Variants in ELL observed in about 807,000 individuals in gnomAD.
ELL encodes RNA polymerase II elongation factor ELL.
A neutral mutation model predicts 64.0 loss-of-function variants in ELL; 18 were observed. The observed-to-expected ratio is 0.28, with a 90% CI of 0.19 to 0.42. ELL has a LOEUF of 0.42. ELL is among the 10% of genes least tolerant of loss of function. The pLI is 1.00. For missense variants in ELL, 797 were observed against 870.4 expected (o/e 0.92, Z 1.06); for synonymous variants, 399 against 376.2 (o/e 1.06, Z -0.70).
At chr19:18,480,578 G>A (rs1018053889) in intron 1 of ELL, among the ~76,000 whole-genome samples, 4 of 152,234 alleles carry the variant, frequency 2.6e-5, no homozygotes, top group Admixed American at 2.6e-4. Context: ...GCAGGAAAGG[G>A]ACTCCAACTG....
At chr19:18,467,796 A>C (rs1600454253) in intron 2 of ELL, among the ~76,000 whole-genome samples, 1 of 67,196 alleles carries the variant, frequency 1.5e-5, no homozygotes, top group African/African-American at 6.7e-5. Context: ...CCACAACCAC[A>C]CAATCCCCCC....
intron 1 of ELL, among the ~76,000 whole-genome samples, chr19:18,506,831 A>G (rs1975893155): frequency 6.6e-6 from 1 of 152,176 alleles, no homozygotes; most frequent in Non-Finnish European, 1.5e-5. Context: ...CTCCCCACAG[A>G]GATGCTATGA....
intron 4 of ELL, among the ~76,000 whole-genome samples, chr19:18,464,157 C>T (rs1476880714): frequency 6.6e-6 from 1 of 152,058 alleles, no homozygotes; most frequent in Non-Finnish European, 1.5e-5. Flanking sequence ...TCATTTGAGC[C>T]CAGGAGTCAG....
chr19:18,452,830 G>A (rs564497407), intron 6 of ELL, among the ~76,000 whole-genome samples: 3 of 152,340 alleles, frequency 2.0e-5, no homozygotes, highest in South Asian at 4.1e-4. Flanking sequence ...CCAGGACTAG[G>A]GCACATCGGG....
chr19:18,512,826 G>A (rs142564225), intron 1 of ELL, among the ~76,000 whole-genome samples: 66 of 152,220 alleles, frequency 4.3e-4, no homozygotes, highest in Middle Eastern at 6.8e-3. Context: ...CAGCAGCCTG[G>A]AGCCCCAAAT....
chr19:18,500,637 A>C (rs909423249), intron 1 of ELL, among the ~76,000 whole-genome samples: 1 of 152,208 alleles, frequency 6.6e-6, no homozygotes, highest in Non-Finnish European at 1.5e-5. Flanking sequence ...GAAGGTCGGC[A>C]TAACACTGGT....
chr19:18,494,742 C>G (rs1299124506), intron 1 of ELL, among the ~76,000 whole-genome samples: 1 of 152,200 alleles, frequency 6.6e-6, no homozygotes, highest in Non-Finnish European at 1.5e-5. Flanking sequence ...CCCCTCCCCA[C>G]CTGTGCTGAT....
At chr19:18,495,712 C>A (rs113160315) in intron 1 of ELL, among the ~76,000 whole-genome samples, 6,010 of 152,284 alleles carry the variant, frequency 0.039, 293 homozygotes, top group African/African-American at 0.12. Context: ...GTCCCCCTGC[C>A]CCCTGTACGA....
intron 1 of ELL, among the ~76,000 whole-genome samples, chr19:18,488,421 G>A (rs911802140): frequency 5.9e-5 from 9 of 152,212 alleles, no homozygotes; most frequent in African/African-American, 1.7e-4. Context: ...TGCAGAGGCA[G>A]CCTGTGACCA....
At chr19:18,483,566 C>T (rs935172880) in intron 1 of ELL, among the ~76,000 whole-genome samples, 3 of 152,160 alleles carry the variant, frequency 2.0e-5, no homozygotes, top group East Asian at 1.9e-4. Flanking sequence ...GATCGGGTTC[C>T]GGTTGTTACA....
rs761660414 is a variant in ELL at position 18,461,762 on chromosome 19, G to C, written c.560C>G (p.Ala187Gly). ...KRATPINLAS[A>G]IRKSGASAVS... Reference sequence around the variant, plus strand: ...GGCACTGGCACCACTCTTCCTGATGGCACTCGCCAAGTTGATGGGGGTTGC... The same window carrying C: ...GGCACTGGCACCACTCTTCCTGATGCCACTCGCCAAGTTGATGGGGGTTGC... The change falls in exon 5 of 12, where the codon GCC becomes GGC. Residue 187 changes from alanine to glycine, a missense_variant. Ala to Gly is a moderately conservative substitution (Grantham distance 60, BLOSUM62 0). Coordinates refer to ENST00000262809, the MANE Select transcript of ELL (RefSeq NM_006532.4). The C allele has an allele frequency of 6.2e-7, 1 of 1,613,922 alleles. No homozygotes were observed. Among genetic ancestry groups the C allele is most frequent in the Non-Finnish European group, 8.5e-7 (1 of 1,180,054 alleles).
intron 1 of ELL, among the ~76,000 whole-genome samples, chr19:18,500,309 C>T (rs1027479748): frequency 4.6e-5 from 7 of 152,172 alleles, no homozygotes; most frequent in South Asian, 2.1e-4. Flanking sequence ...TTCCTGTTCC[C>T]GCCTTCCTCA....
intron 1 of ELL, among the ~76,000 whole-genome samples, chr19:18,510,718 G>A (rs753782801): frequency 6.6e-6 from 1 of 152,180 alleles, no homozygotes; most frequent in Non-Finnish European, 1.5e-5. Flanking sequence ...TAACCAGTTC[G>A]GGCAAGGACG....
intron 6 of ELL, 110 bp downstream of exon 6, chr19:18,458,095 C>CA: frequency 5.2e-6 from 8 of 1,543,100 alleles, no homozygotes; most frequent in Non-Finnish European, 7.0e-6. Flanking sequence ...ATCCTGCTCC[C>CA]AAGCCCTGTG....
Position 18,465,417 on chromosome 19 carries a change from T to G in ELL, c.464A>C (p.Tyr155Ser). Residue 155 changes from tyrosine (Y) to serine (S), a missense_variant, in exon 4 of 12, where the codon TAC becomes TCC. Tyr to Ser is a moderately radical substitution (Grantham distance 144). Transcript: ENST00000262809. ...CTGCCAAACCCACTGCTCACCCAGG[T>G]AGCGGCCTCCAGCCTTGATGACAAT... ...SAIVIKAGGR[Y>S]LGKKVQFRKP... 6.3e-7 allele frequency: 1 copy of G among 1,597,770 alleles called. No homozygotes were observed. The highest frequency in any genetic ancestry group is 8.6e-7 in the Non-Finnish European group (1 of 1,168,780).
intron 1 of ELL, among the ~76,000 whole-genome samples, chr19:18,518,243 T>C (rs1976170931): frequency 6.6e-6 from 1 of 152,172 alleles, no homozygotes; most frequent in Admixed American, 6.5e-5. Flanking sequence ...CTCACTCTTG[T>C]AATTACAGCA....
At chr19:18,458,701 T>C (rs761498655) in intron 5 of ELL, among the ~76,000 whole-genome samples, 2 of 152,178 alleles carry the variant, frequency 1.3e-5, no homozygotes, top group Non-Finnish European at 2.9e-5. Context: ...TACAAGATCT[T>C]AGCTCACTAT....
chr19:18,517,519 G>A (rs1434760040), intron 1 of ELL, among the ~76,000 whole-genome samples: 2 of 151,998 alleles, frequency 1.3e-5, no homozygotes, highest in Non-Finnish European at 2.9e-5. Context: ...CCAAAGTGCT[G>A]GGATTACAGG....
chr19:18,506,828 C>A (rs1020814163), intron 1 of ELL, among the ~76,000 whole-genome samples: 3 of 152,202 alleles, frequency 2.0e-5, no homozygotes, highest in Admixed American at 6.5e-5. Context: ...ACTCTCCCCA[C>A]AGAGATGCTA....
Sources: allele counts gnomAD v4.1 joint callset (sites outside exome capture counted in the v4.1 genomes callset), GRCh38; gene constraint gnomAD v4.1.1; transcripts MANE v1.5; gene names NCBI Gene and HGNC (gene_info 2026-07-23, HGNC 2026-07-21).